The following SDK1 variants were observed in gnomAD, a reference collection of about 807,000 sequenced individuals.
The protein encoded by SDK1 is protein sidekick-1.
Under a neutral mutation model 245.5 loss-of-function variants are expected in SDK1, and 157 were observed. That is an observed-to-expected ratio of 0.64 (90% CI 0.56 to 0.73). The LOEUF (loss-of-function observed/expected upper bound fraction) is 0.73, where lower values mean the gene tolerates loss of function less well. Among genes scored for constraint, SDK1 ranks in the 30% least tolerant of loss-of-function variants. The pLI, the probability that SDK1 is intolerant of heterozygous loss-of-function variation, is 0.00. For missense variants in SDK1, 3,583 were observed against 3,002.3 expected (o/e 1.19, Z -4.52); for synonymous variants, 1,647 against 1,278.5 (o/e 1.29, Z -6.15).
chr7:3,821,390 C>G, intron 4 of SDK1, 60 bp from the exon 5 acceptor site: 2 of 1,555,040 alleles, frequency 1.3e-6, no homozygotes, highest in Non-Finnish European at 1.7e-6. Context: ...TTAATTTTGT[C>G]TTACAAGTAG....
At chr7:3,482,822 A>T (rs950233840) in intron 1 of SDK1, among the ~76,000 whole-genome samples, 2 of 152,206 alleles carry the variant, frequency 1.3e-5, no homozygotes, top group Non-Finnish European at 2.9e-5. Flanking sequence ...TTCTCAGGCA[A>T]CTCACAGGAC....
intron 4 of SDK1, among the ~76,000 whole-genome samples, chr7:3,681,555 G>A (rs79043640): frequency 5.1e-4 from 78 of 152,192 alleles, no homozygotes; most frequent in Middle Eastern, 3.4e-3. Context: ...TTTCTTAACT[G>A]TCCATTTCTT....
intron 4 of SDK1, among the ~76,000 whole-genome samples, chr7:3,710,543 T>C (rs1785018766): frequency 6.6e-6 from 1 of 151,962 alleles, no homozygotes; most frequent in South Asian, 2.1e-4. Flanking sequence ...TGCTTGACAG[T>C]GTAGTTTCTC....
intron 35 of SDK1, among the ~76,000 whole-genome samples, chr7:4,183,219 A>G (rs1782694680): frequency 6.6e-6 from 1 of 152,216 alleles, no homozygotes; most frequent in Non-Finnish European, 1.5e-5. Context: ...CAAAAGTCTG[A>G]AAAGCATCTC....
Position 3,301,500 on chromosome 7 carries a change from C to G in SDK1, c.-87C>G, listed in dbSNP as rs1779254703. 1 of 391,990 alleles carries G rather than the reference C, an allele frequency of 2.6e-6. No homozygotes were observed. Among genetic ancestry groups the G allele is most frequent in the Non-Finnish European group, 3.4e-6 (1 of 291,270 alleles). The allele number at this position is 391,990 out of a possible 1,614,324, so 24.3% of individuals were successfully genotyped here. ...GGGCCGGGGGGCGCCGCGCCTCCCG[C>G]GGAGTGGCCGCGCCCGCTCGGAGCC... On this transcript the variant is annotated 5_prime_UTR_variant, in exon 1 of 45. Coordinates refer to ENST00000404826, the MANE Select transcript of SDK1 (RefSeq NM_152744.4).
chr7:3,428,129 A>G (rs1259809108), intron 1 of SDK1, among the ~76,000 whole-genome samples: 1 of 152,150 alleles, frequency 6.6e-6, no homozygotes, highest in Non-Finnish European at 1.5e-5. Context: ...CTGTGTACCA[A>G]CTCAGATGCA....
At chr7:3,324,866 G>A (rs767660908) in intron 1 of SDK1, among the ~76,000 whole-genome samples, 3 of 152,074 alleles carry the variant, frequency 2.0e-5, no homozygotes, top group Non-Finnish European at 2.9e-5. Flanking sequence ...AGTTTCTTAC[G>A]TTTGAAAGAA....
chr7:3,496,896 G>A (rs1782043116), intron 1 of SDK1, among the ~76,000 whole-genome samples: 1 of 152,292 alleles, frequency 6.6e-6, no homozygotes, highest in African/African-American at 2.4e-5. Flanking sequence ...GACGTGATCA[G>A]ATGCCTCTTC....
chr7:3,761,611 A>G (rs1324680269), intron 4 of SDK1, among the ~76,000 whole-genome samples: 2 of 151,686 alleles, frequency 1.3e-5, no homozygotes, highest in Non-Finnish European at 2.9e-5. Context: ...GAAGGTAGGG[A>G]AAAAAAGAAA....
rs1193575377 is a variant in SDK1 at position 4,043,243 on chromosome 7, C to T, written c.2603-6105C>T. ...AGAGTGAGTGTCACAGCCAGGGGCT[C>T]AGGTAGAGTGAGTGTCACAGCCAGG... On this transcript the variant is annotated intron_variant, in intron 17 of 44. Transcript: ENST00000404826. 2.0e-5 allele frequency among the ~76,000 whole-genome samples: 3 copies of T among 151,604 alleles called. No individual in the cohort carries two copies. In the South Asian group the frequency reaches 6.3e-4, roughly 32 times the overall value.
In SDK1 at chr7:4,051,677, G is replaced by A. The variant is rs1255903527; in HGVS notation, c.2758G>A (p.Val920Met). ...GGCAGATGCCCCCGAGGCTGTCACT[G>A]TGGTCACTATTGCCCCAGATTTCCA... ...WPADAPEAVT[V>M]VTIAPDFHGV... Residue 920 changes from valine to methionine, a missense_variant, in exon 19 of 45, where the codon GTG becomes ATG. Transcript: ENST00000404826. 2 of 1,613,150 alleles carry A rather than the reference G, an allele frequency of 1.2e-6. No homozygotes were observed. Among genetic ancestry groups the A allele is most frequent in the South Asian group, 1.1e-5 (1 of 90,832 alleles).
At chr7:4,107,714 T>C (rs994308845) in intron 22 of SDK1, among the ~76,000 whole-genome samples, 1 of 152,122 alleles carries the variant, frequency 6.6e-6, no homozygotes, top group African/African-American at 2.4e-5. Flanking sequence ...CCCCAGTATC[T>C]GGTCCCAGCC....
At chr7:3,683,350 T>C (rs1240779881) in intron 4 of SDK1, among the ~76,000 whole-genome samples, 1 of 152,204 alleles carries the variant, frequency 6.6e-6, no homozygotes, top group East Asian at 1.9e-4. Flanking sequence ...ATAATGCCTT[T>C]CAGCTCTGTT....
At chr7:3,932,955 A>G (rs919180980) in intron 5 of SDK1, among the ~76,000 whole-genome samples, 2 of 151,184 alleles carry the variant, frequency 1.3e-5, no homozygotes, top group African/African-American at 4.9e-5. Flanking sequence ...AGGGCTCTCC[A>G]CTCAGGACAG....
At chr7:3,987,078 C>G (rs142671363) in intron 13 of SDK1, 108 bp from the exon 14 acceptor site, 3 of 1,077,898 alleles carry the variant, frequency 2.8e-6, no homozygotes, top group Non-Finnish European at 4.1e-6. Flanking sequence ...TTATGTTATT[C>G]ATTTCCCAAA....
At chr7:3,733,807 C>G (rs764659507) in intron 4 of SDK1, among the ~76,000 whole-genome samples, 1 of 152,166 alleles carries the variant, frequency 6.6e-6, no homozygotes, top group Non-Finnish European at 1.5e-5. Flanking sequence ...GGCTGTAACA[C>G]TCATAACGCC....
chr7:3,821,892 A>G (rs376405167), intron 5 of SDK1, among the ~76,000 whole-genome samples: 16 of 152,334 alleles, frequency 1.1e-4, no homozygotes, highest in South Asian at 2.1e-4. Flanking sequence ...AGAACTTTCA[A>G]TTTAAATGAA....
At chr7:3,585,049 G>C (rs995526072) in intron 1 of SDK1, among the ~76,000 whole-genome samples, 2 of 152,104 alleles carry the variant, frequency 1.3e-5, no homozygotes, top group Non-Finnish European at 2.9e-5. Context: ...GTGATCCACT[G>C]CCTCACATTT....
In SDK1 at chr7:3,989,510, T is replaced by G. The variant is rs572461903; in HGVS notation, c.2131+2188T>G. On this transcript the variant is annotated intron_variant, in intron 14 of 44. Coordinates refer to ENST00000404826, the MANE Select transcript of SDK1 (RefSeq NM_152744.4). ...TGAGCCTCCCCCAGGCAGAGCCAGA[T>G]GCAGGTATCCTGGCTGTTAACACGA... is the stretch of plus-strand genomic sequence containing the variant. Among the ~76,000 whole-genome samples, 3 of 152,322 alleles carry G rather than the reference T, an allele frequency of 2.0e-5. No homozygotes were observed. In the South Asian group the frequency reaches 6.2e-4, roughly 32 times the overall value.
Sources: allele counts gnomAD v4.1 joint callset (sites outside exome capture counted in the v4.1 genomes callset), GRCh38; gene constraint gnomAD v4.1.1; transcripts MANE v1.5; gene names NCBI Gene and HGNC (gene_info 2026-07-23, HGNC 2026-07-21).